Variants in WDR33 observed in about 807,000 individuals in gnomAD.
WDR33 encodes WD repeat domain 33.
Under a neutral mutation model 164.9 loss-of-function variants are expected in WDR33, and 47 were observed. The observed-to-expected ratio is 0.29, with a 90% confidence interval of 0.23 to 0.36. The LOEUF (loss-of-function observed/expected upper bound fraction) is 0.36. Ranked by LOEUF, WDR33 falls within the 10% of genes least tolerant of loss-of-function variation. WDR33 has a pLI of 1.00. For missense variants in WDR33, 1,137 were observed against 1,754.1 expected (o/e 0.65, Z 6.28); for synonymous variants, 505 against 589.0 (o/e 0.86, Z 2.06).
intron 1 of WDR33, among the ~76,000 whole-genome samples, chr2:127,791,159 A>ACCCCCCCCCCCCCCCC (rs1270529963): frequency 2.9e-5 from 1 of 34,316 alleles, no homozygotes; most frequent in Non-Finnish European, 5.6e-5. Flanking sequence ...CTCTTTCCCC[A>ACCCCCCCCCCCCCCCC]CCCCACCCCC....
intron 1 of WDR33, among the ~76,000 whole-genome samples, chr2:127,781,281 C>T (rs1688359834): frequency 6.6e-6 from 1 of 151,990 alleles, no homozygotes; most frequent in South Asian, 2.1e-4. Context: ...CTTAAAATGC[C>T]AAAACAATAG....
intron 1 of WDR33, among the ~76,000 whole-genome samples, chr2:127,782,521 T>C (rs543594237): frequency 1.3e-5 from 2 of 152,240 alleles, no homozygotes; most frequent in Non-Finnish European, 2.9e-5. Context: ...TTTCATAACT[T>C]GGGGGAAGCA....
intron 1 of WDR33, among the ~76,000 whole-genome samples, chr2:127,772,310 T>C (rs1017116266): frequency 5.3e-5 from 8 of 151,742 alleles, no homozygotes; most frequent in African/African-American, 1.9e-4. Context: ...GTGGTGGCAG[T>C]CTCCTGTAAT....
intron 7 of WDR33, among the ~76,000 whole-genome samples, chr2:127,742,766 A>G (rs1687054938): frequency 1.3e-5 from 2 of 151,782 alleles, no homozygotes; most frequent in Non-Finnish European, 2.9e-5. Context: ...TCATCAAAGA[A>G]AGAAAAATCC....
At chr2:127,769,876 T>C (rs2105443036) in intron 2 of WDR33, among the ~76,000 whole-genome samples, 1 of 152,308 alleles carries the variant, frequency 6.6e-6, no homozygotes, top group East Asian at 1.9e-4. Flanking sequence ...GGCTAATTCC[T>C]ACATTAACAC....
intron 1 of WDR33, among the ~76,000 whole-genome samples, chr2:127,784,056 C>T (rs964979500): frequency 6.6e-6 from 1 of 152,008 alleles, no homozygotes; most frequent in Admixed American, 6.6e-5. Context: ...CCTTTCCTTT[C>T]CCAAAAGCAA....
At chr2:127,782,747 C>A (rs111957330) in intron 1 of WDR33, among the ~76,000 whole-genome samples, 6,447 of 152,210 alleles carry the variant, frequency 0.042, 404 homozygotes, top group African/African-American at 0.14. Flanking sequence ...CGGTGGCTCA[C>A]GCCTGCAATC....
chr2:127,752,567 G>A (rs1282152493), intron 7 of WDR33, among the ~76,000 whole-genome samples: 3 of 142,546 alleles, frequency 2.1e-5, no homozygotes, highest in Non-Finnish European at 4.5e-5. Flanking sequence ...TCCGCAGTCC[G>A]GCCTGGGCGA....
chr2:127,732,653 A>G (rs1686740062), intron 7 of WDR33, among the ~76,000 whole-genome samples: 1 of 152,164 alleles, frequency 6.6e-6, no homozygotes, highest in Admixed American at 6.5e-5. Context: ...TCATTTGCCA[A>G]CAGAAGAAAC....
intron 1 of WDR33, among the ~76,000 whole-genome samples, chr2:127,780,575 A>C (rs1688337634): frequency 6.6e-6 from 1 of 152,240 alleles, no homozygotes; most frequent in South Asian, 2.1e-4. Flanking sequence ...TTAAATAAGT[A>C]GGTTTTGGCC....
At chr2:127,743,555 C>CA (rs1558933250) in intron 7 of WDR33, among the ~76,000 whole-genome samples, 1 of 151,756 alleles carries the variant, frequency 6.6e-6, no homozygotes, top group Admixed American at 6.6e-5. Flanking sequence ...ATGAAGAAAA[C>CA]AAAAGTAGCC....
intron 1 of WDR33, among the ~76,000 whole-genome samples, chr2:127,788,169 CA>C (rs1370663372): frequency 2.8e-5 from 3 of 108,822 alleles, no homozygotes; most frequent in Admixed American, 8.2e-5. Flanking sequence ...CCTCACCTCC[CA>C]GACGGGGCGG....
intron 1 of WDR33, among the ~76,000 whole-genome samples, chr2:127,794,810 G>C (rs1483667192): frequency 1.4e-5 from 2 of 146,354 alleles, no homozygotes; most frequent in Non-Finnish European, 3.0e-5. Context: ...CCCCAGCCTG[G>C]GCGACAAAGC....
chr2:127,706,373 A>G lies in WDR33; in HGVS notation c.3961T>C (p.Ser1321Pro). 1 of 1,607,994 alleles carries G rather than the reference A, an allele frequency of 6.2e-7. No individual in the cohort carries two copies. Among genetic ancestry groups the G allele is most frequent in the Non-Finnish European group, 8.5e-7 (1 of 1,177,198 alleles). ...SNWGRGSNMN[S>P]GPPRRGASRG... ...GAAGCTCCTCGCCTCGGCGGGCCAG[A>G]GTTCATGTTACTCCCTCTACCCCAG... Residue 1321 changes from serine to proline, a missense_variant, in exon 22 of 22, where the codon TCT (serine) becomes CCT (proline). This residue lies in a region of WDR33 where 867 missense variants were observed against 1,073.0 expected (regional missense o/e 0.81). Transcript: ENST00000322313. The surrounding 1 kb of genome is among the most constrained non-coding windows in gnomAD (Gnocchi z 5.1).
In WDR33 at chr2:127,706,208, C is replaced by T; in HGVS notation, c.*115G>A. The T allele has an allele frequency of 1.0e-6, 1 of 978,762 alleles. No individual in the cohort carries two copies. Among genetic ancestry groups the T allele is most frequent in the Non-Finnish European group, 1.4e-6 (1 of 700,618 alleles). The allele number at this position is 978,762 out of a possible 1,614,324, so 60.6% of individuals were successfully genotyped here. A position where few individuals can be genotyped will look rare whatever the true frequency, so the allele number is the denominator to read the frequency against. On this transcript the variant is annotated 3_prime_UTR_variant, in exon 22 of 22. Transcript: ENST00000322313. This position sits in a 1 kb window ranked among gnomAD's most constrained non-coding sequence, Gnocchi z 5.1. ...TTGAGGGTTCCTGGGATTCAGGTGC[C>T]CAGAAAAGAGTTCAGGGCTACAATG...
At position 127,702,131 on chromosome 2, in the gene WDR33, T is replaced by TCGCCTGGGC. The variant is rs902267163; in HGVS notation, c.*4183_*4191dup. Reference sequence around the variant, plus strand: ...GCACCGCGCTGCGCCTCGCACTGGGTCGCCTGGGCCGCGGCGCCGGCCTCG... The same window carrying TCGCCTGGGC: ...GCACCGCGCTGCGCCTCGCACTGGGTCGCCTGGGCCGCCTGGGCCGCGGCGCCGGCCTCG... On this transcript the variant is annotated 3_prime_UTR_variant, in exon 22 of 22. Transcript: ENST00000322313. The TCGCCTGGGC allele has an allele frequency of 5.8e-6, 7 of 1,215,972 alleles. No homozygotes were observed. Among genetic ancestry groups the TCGCCTGGGC allele is most frequent in the African/African-American group, 4.7e-5 (3 of 63,438 alleles). The allele number at this position is 1,215,972 out of a possible 1,614,324, so 75.3% of individuals were successfully genotyped here. A position where few individuals can be genotyped will look rare whatever the true frequency, so the allele number is the denominator to read the frequency against.
At chr2:127,793,246 C>G (rs769610810) in intron 1 of WDR33, among the ~76,000 whole-genome samples, 1 of 151,662 alleles carries the variant, frequency 6.6e-6, no homozygotes, top group Non-Finnish European at 1.5e-5. Context: ...GCCTGGCCAA[C>G]ATGGTGAAAC....
intron 1 of WDR33, among the ~76,000 whole-genome samples, chr2:127,796,282 C>T (rs539436061): frequency 6.6e-6 from 1 of 151,924 alleles, no homozygotes; most frequent in African/African-American, 2.4e-5. Context: ...ACATGTTGCC[C>T]AGGCTGGTCT....
intron 1 of WDR33, among the ~76,000 whole-genome samples, chr2:127,788,479 C>A (rs1369518065): frequency 7.9e-6 from 1 of 127,292 alleles, no homozygotes; most frequent in Non-Finnish European, 1.7e-5. Context: ...GGGGCTGACA[C>A]CCCCACCTCC....
Sources: gnomAD v4.1 joint callset for allele counts (sites outside exome capture counted in the v4.1 genomes callset) on GRCh38, gnomAD v4.1.1 for gene constraint, gnomAD v4.1.1 regional missense constraint, Gnocchi (gnomAD v3.1) non-coding constraint, MANE v1.5 for transcripts, NCBI Gene and HGNC (gene_info 2026-07-23, HGNC 2026-07-21) for gene names.